The following PAIP1 variants were observed in gnomAD, a reference collection of about 807,000 sequenced individuals.
PAIP1 encodes polyadenylate-binding protein-interacting protein 1.
In PAIP1, 16 loss-of-function variants were observed where a neutral mutation model predicts 61.3. The observed-to-expected ratio is 0.26, with a 90% CI of 0.18 to 0.40. PAIP1 has a LOEUF of 0.40. PAIP1 is among the 10% of genes least tolerant of loss of function. The probability of loss-of-function intolerance (pLI) is 1.00; values close to 1 mark genes in which losing one functional copy is unlikely to be tolerated. For missense variants in PAIP1, 416 were observed against 600.9 expected (o/e 0.69, Z 3.22); for synonymous variants, 187 against 226.2 (o/e 0.83, Z 1.56).
chr5:43,535,666 A>G (rs377133644), intron 6 of PAIP1, 26 bp from the exon 7 acceptor site: 1 of 1,216,628 alleles, frequency 8.2e-7, no homozygotes, highest in African/African-American at 1.5e-5. Flanking sequence ...TCAGTAAAAT[A>G]AGAAATTCAA....
chr5:43,527,984 T>C (rs1745099590), intron 10 of PAIP1, among the ~76,000 whole-genome samples: 2 of 152,156 alleles, frequency 1.3e-5, no homozygotes, highest in South Asian at 4.1e-4. Flanking sequence ...TGGAATCAGA[T>C]TTTCACAGGA....
chr5:43,544,067 T>C (rs6866802), intron 3 of PAIP1, among the ~76,000 whole-genome samples: 73,841 of 148,914 alleles, frequency 0.5, 19,423 homozygotes, highest in East Asian at 0.91. Flanking sequence ...CACTTGAGTG[T>C]AGGAGTTCAA....
At chr5:43,550,388 T>C (rs1747814116) in intron 2 of PAIP1, among the ~76,000 whole-genome samples, 1 of 112,100 alleles carries the variant, frequency 8.9e-6, no homozygotes, top group Non-Finnish European at 1.9e-5. Context: ...TCTAGGAGAA[T>C]ACTGAGTCAT....
chr5:43,556,453 CCT>C (rs983581089), intron 1 of PAIP1, 127 bp downstream of exon 1: 2 of 1,206,040 alleles, frequency 1.7e-6, no homozygotes, highest in African/African-American at 3.1e-5. Flanking sequence ...GTCACGCGGC[CCT>C]CTCGGGGAAT....
chr5:43,549,655 T>C (rs113721269), intron 2 of PAIP1, among the ~76,000 whole-genome samples: 11 of 152,214 alleles, frequency 7.2e-5, no homozygotes, highest in African/African-American at 2.4e-4. Flanking sequence ...TGGACCACTA[T>C]AGTGCTACCA....
rs761060535 is a variant in PAIP1 at position 43,536,813 on chromosome 5, A to C, written c.972+6T>G. ...TAAATTAGTTAAATTAAAAAAAAAA[A>C]CCTACCTTTAACAATTTTACTGCAC... On this transcript the variant is annotated splice_donor_region_variant and intron_variant, in intron 6 of 10. Transcript: ENST00000306846. The C allele has an allele frequency of 1.7e-5, 24 of 1,435,912 alleles. No homozygotes were observed. The highest frequency in any genetic ancestry group is 2.5e-4 in the Middle Eastern group (1 of 3,984). The allele number at this position is 1,435,912 out of a possible 1,614,324, so 88.9% of individuals were successfully genotyped here.
intron 2 of PAIP1, 40 bp from the exon 3 acceptor site, chr5:43,547,953 A>C: frequency 2.3e-6 from 3 of 1,304,942 alleles, no homozygotes; most frequent in Non-Finnish European, 3.3e-6. Flanking sequence ...AATCTATGCA[A>C]CTGGCTAAAA....
chr5:43,540,027 T>C (rs1305115083), intron 4 of PAIP1, among the ~76,000 whole-genome samples: 4 of 152,202 alleles, frequency 2.6e-5, no homozygotes, highest in Admixed American at 1.3e-4. Context: ...CCAGTTTAGG[T>C]TGACTTTGTA....
At chr5:43,535,702 G>C in intron 6 of PAIP1, 62 bp from the exon 7 acceptor site, 1 of 876,482 alleles carries the variant, frequency 1.1e-6, no homozygotes, top group Non-Finnish European at 1.9e-6. Flanking sequence ...ATTCTAAAAA[G>C]ATACCAGTAA....
chr5:43,556,839 T>A lies in PAIP1; in HGVS notation c.8A>T (p.Asp3Val). 7.0e-7 allele frequency: 1 copy of A among 1,438,400 alleles called. No homozygotes were observed. Among genetic ancestry groups the A allele is most frequent in the Non-Finnish European group, 9.1e-7 (1 of 1,097,790 alleles). The allele number at this position is 1,438,400 out of a possible 1,614,324, so 89.1% of individuals were successfully genotyped here. A position where few individuals can be genotyped will look rare whatever the true frequency, so the allele number is the denominator to read the frequency against. MSDGFDRAPGAGR... is the reference protein window; with the variant it reads MSVGFDRAPGAGR... The stretch of plus-strand genomic sequence containing the variant: ...AGCACCTGGGGCCCGATCGAAACCG[T>A]CCGACATGCTCCTCCTCCTCCGCCT... Residue 3 changes from aspartate to valine, a missense_variant, in exon 1 of 11, where the codon GAC (aspartate) becomes GTC (valine). Coordinates refer to ENST00000306846, the MANE Select transcript of PAIP1 (RefSeq NM_006451.5).
Position 43,539,105 on chromosome 5 carries a change from T to G in PAIP1, c.735-70A>C, listed in dbSNP as rs1185891571. The G allele has an allele frequency of 3.9e-6, 4 of 1,018,540 alleles. No homozygotes were observed. The East Asian group carries it at 9.6e-5, about 24-fold the overall frequency. 63.1% of individuals were successfully genotyped at this position (1,018,540 alleles called of 1,614,324 possible). ...TTAAATAGTCAAACAAAATAACCATTTGTCAGTTTGGTTGTCCACAGCAAG... is the reference window on the plus strand; with the variant it reads ...TTAAATAGTCAAACAAAATAACCATGTGTCAGTTTGGTTGTCCACAGCAAG... On this transcript the variant is annotated intron_variant, in intron 4 of 10. Coordinates refer to ENST00000306846, the MANE Select transcript of PAIP1 (RefSeq NM_006451.5).
chr5:43,536,965 A>C, intron 5 of PAIP1, 21 bp from the exon 6 acceptor site: 1 of 1,546,906 alleles, frequency 6.5e-7, no homozygotes, highest in Non-Finnish European at 8.7e-7. Flanking sequence ...CAAAAAAAAG[A>C]ACAAAAGGAA....
At chr5:43,553,217 T>C (rs990650640) in intron 2 of PAIP1, among the ~76,000 whole-genome samples, 3 of 152,154 alleles carry the variant, frequency 2.0e-5, no homozygotes, top group Non-Finnish European at 2.9e-5. Flanking sequence ...TAAATGGATA[T>C]AGCAACTCAC....
intron 2 of PAIP1, among the ~76,000 whole-genome samples, chr5:43,548,250 C>T (rs1272529266): frequency 6.6e-6 from 1 of 152,066 alleles, no homozygotes; most frequent in African/African-American, 2.4e-5. Flanking sequence ...GAAATAAGAT[C>T]TAGGATTTGC....
chr5:43,535,917 A>G (rs181056030), intron 6 of PAIP1, among the ~76,000 whole-genome samples: 485 of 152,170 alleles, frequency 3.2e-3, no homozygotes, highest in Non-Finnish European at 5.3e-3. Flanking sequence ...AAGATAGGCT[A>G]TTAGATTTTA....
At chr5:43,552,511 C>A (rs750101636) in intron 2 of PAIP1, among the ~76,000 whole-genome samples, 1 of 152,090 alleles carries the variant, frequency 6.6e-6, no homozygotes, top group Non-Finnish European at 1.5e-5. Context: ...GAAGAAAGAA[C>A]GTCACCAACT....
chr5:43,548,427 G>A (rs1561236802), intron 2 of PAIP1, among the ~76,000 whole-genome samples: 2 of 152,028 alleles, frequency 1.3e-5, no homozygotes, highest in Non-Finnish European at 2.9e-5. Context: ...ACCTAATAAG[G>A]TTTATCATCT....
chr5:43,540,925 A>C (rs1223885821), intron 4 of PAIP1, among the ~76,000 whole-genome samples: 3 of 152,104 alleles, frequency 2.0e-5, no homozygotes, highest in Non-Finnish European at 4.4e-5. Flanking sequence ...TCTAAGGCAC[A>C]GCCGGGGGTG....
chr5:43,538,257 G>A (rs1052234591), intron 5 of PAIP1, among the ~76,000 whole-genome samples: 1 of 151,974 alleles, frequency 6.6e-6, no homozygotes, highest in African/African-American at 2.4e-5. Flanking sequence ...TTCATTTAGG[G>A]GGAATAAGTT....
Sources: allele counts gnomAD v4.1 joint callset (sites outside exome capture counted in the v4.1 genomes callset), GRCh38; gene constraint gnomAD v4.1.1; transcripts MANE v1.5; gene names NCBI Gene and HGNC (gene_info 2026-07-23, HGNC 2026-07-21).